The following RASSF8 variants were observed in gnomAD, a reference collection of about 807,000 sequenced individuals.
The protein encoded by RASSF8 is Ras association domain family member 8.
RASSF8 carries 22 observed loss-of-function variants against 48.5 expected under a neutral mutation model. The ratio of observed to expected loss-of-function variants is 0.45; its 90% CI spans 0.32 to 0.65. The LOEUF (loss-of-function observed/expected upper bound fraction) is 0.65. Among genes scored for constraint, RASSF8 ranks in the 30% least tolerant of loss-of-function variants. RASSF8 has a pLI of 0.03. For synonymous variants in RASSF8, 127 were observed against 171.5 expected (o/e 0.74, Z 2.03); for missense variants, 418 against 489.2 (o/e 0.85, Z 1.37).
intron 2 of RASSF8, among the ~76,000 whole-genome samples, chr12:26,030,572 A>T (rs1176301790): frequency 6.6e-6 from 1 of 152,226 alleles, no homozygotes; most frequent in East Asian, 1.9e-4. Flanking sequence ...ATGCCATAGT[A>T]AAAATGCTGA....
chr12:25,981,562 T>C (rs1941745105), intron 1 of RASSF8, among the ~76,000 whole-genome samples: 1 of 152,200 alleles, frequency 6.6e-6, no homozygotes, highest in African/African-American at 2.4e-5. Context: ...CAGGGTATGC[T>C]TAAGTTATTG....
intron 3 of RASSF8, among the ~76,000 whole-genome samples, chr12:26,057,884 G>A (rs112923461): frequency 0.025 from 3,740 of 152,266 alleles, 70 homozygotes; most frequent in African/African-American, 0.053. Context: ...GACAGTGATG[G>A]TGAGCATTTT....
At chr12:26,011,608 GGGT>G (rs1942526926) in intron 2 of RASSF8, 1 of 152,168 alleles carries the variant, frequency 6.6e-6, no homozygotes, top group Non-Finnish European at 1.5e-5. Context: ...TGTGACCTTT[GGGT>G]GGTGATTAGG....
At chr12:26,026,916 A>AAT (rs1375028687) in intron 2 of RASSF8, among the ~76,000 whole-genome samples, 1 of 152,242 alleles carries the variant, frequency 6.6e-6, no homozygotes, top group Non-Finnish European at 1.5e-5. Context: ...GTGAAGTTAA[A>AAT]ATATATGTCC....
chr12:26,073,849 C>CACACACACACAT (rs35014279), downstream of RASSF8, among the ~76,000 whole-genome samples: 2,173 of 144,158 alleles, frequency 0.015, 38 homozygotes, highest in Middle Eastern at 0.032. Context: ...CACACACACA[C>CACACACACACAT]ATATATATAT....
chr12:25,990,724 C>G (rs1469376983), intron 1 of RASSF8, among the ~76,000 whole-genome samples: 1 of 152,146 alleles, frequency 6.6e-6, no homozygotes, highest in Admixed American at 6.5e-5. Context: ...CTTGAATGTT[C>G]CCACTCTTTT....
intron 2 of RASSF8, among the ~76,000 whole-genome samples, chr12:26,018,420 CA>C (rs1201616813): frequency 2.0e-5 from 3 of 151,962 alleles, no homozygotes; most frequent in African/African-American, 7.3e-5. Flanking sequence ...GTCACTTTAA[CA>C]TTTTTTTATT....
intron 2 of RASSF8, among the ~76,000 whole-genome samples, chr12:26,029,999 AAG>A (rs1343144443): frequency 6.6e-6 from 1 of 152,208 alleles, no homozygotes; most frequent in East Asian, 1.9e-4. Context: ...TTTATTTAAA[AAG>A]AGTTTAGGGC....
In RASSF8 at chr12:26,064,373, A is replaced by C. The variant is rs970975070; in HGVS notation, c.104-125A>C. The C allele has an allele frequency of 5.5e-6, 5 of 906,784 alleles. No homozygotes were observed. The African/African-American group carries it at 8.4e-5, about 15-fold the overall frequency. 56.2% of individuals were successfully genotyped at this position (906,784 alleles called of 1,614,324 possible). A position where few individuals can be genotyped will look rare whatever the true frequency, so the allele number is the denominator to read the frequency against. On this transcript the variant is annotated intron_variant, in intron 3 of 5. Transcript: ENST00000689635. ...AAGTAAAGGTTTTAAAGGAACCTGA[A>C]CTAGACTCAAACTTGACCCTCTGAT...
intron 2 of RASSF8, among the ~76,000 whole-genome samples, chr12:26,043,769 C>T (rs1472028498): frequency 2.0e-5 from 3 of 152,134 alleles, no homozygotes; most frequent in East Asian, 1.9e-4. Flanking sequence ...TTGCTATGCA[C>T]GGCAACGCAG....
chr12:25,983,260 A>G (rs1941787025), intron 1 of RASSF8, among the ~76,000 whole-genome samples: 1 of 152,258 alleles, frequency 6.6e-6, no homozygotes, highest in African/African-American at 2.4e-5. Flanking sequence ...ATCTGAAACT[A>G]AATAGTTCTT....
At chr12:26,073,748 TAC>T (rs5797160), downstream of RASSF8, among the ~76,000 whole-genome samples, 13,278 of 134,500 alleles carry the variant, frequency 0.099, 688 homozygotes, top group Middle Eastern at 0.16. Flanking sequence ...TCTCTCTCTA[TAC>T]ACACACACAC....
intron 2 of RASSF8, among the ~76,000 whole-genome samples, chr12:26,010,821 G>T (rs1223360152): frequency 6.6e-6 from 1 of 151,910 alleles, no homozygotes; most frequent in Non-Finnish European, 1.5e-5. Context: ...AGAGACTTCT[G>T]TATACCTAAG....
At position 26,070,336 on chromosome 12, in the gene RASSF8, G is replaced by T; in HGVS notation, c.*1518G>T. On this transcript the variant is annotated 3_prime_UTR_variant, in exon 6 of 6. Transcript: ENST00000689635. ...AATGCTGACAATGCTGCTCTACTTA[G>T]GTTTCCTATGAAATTTTTAAGAATG... The T allele has an allele frequency of 1.0e-6, 1 of 985,320 alleles. No homozygotes were observed. Among genetic ancestry groups the T allele is most frequent in the African/African-American group, 1.7e-5 (1 of 57,350 alleles). The allele number at this position is 985,320 out of a possible 1,614,324, so 61.0% of individuals were successfully genotyped here.
intron 5 of RASSF8, among the ~76,000 whole-genome samples, chr12:26,078,227 T>C (rs1397383115): frequency 6.6e-6 from 1 of 152,120 alleles, no homozygotes; most frequent in Non-Finnish European, 1.5e-5. Flanking sequence ...AAGCAAAAAA[T>C]TAGTATCTTC....
chr12:26,073,849 C>CATAT (rs756466030), downstream of RASSF8, among the ~76,000 whole-genome samples: 10 of 144,190 alleles, frequency 6.9e-5, no homozygotes, highest in African/African-American at 1.6e-4. Flanking sequence ...CACACACACA[C>CATAT]ATATATATAT....
At chr12:26,073,862 T>A (rs568128205), downstream of RASSF8, among the ~76,000 whole-genome samples, 18 of 118,940 alleles carry the variant, frequency 1.5e-4, no homozygotes, top group Non-Finnish European at 2.2e-4. Context: ...ATATATATAT[T>A]TAGCCAAAGT....
chr12:26,036,427 A>G (rs1460142686), intron 2 of RASSF8, among the ~76,000 whole-genome samples: 1 of 152,122 alleles, frequency 6.6e-6, no homozygotes, highest in Non-Finnish European at 1.5e-5. Flanking sequence ...TAAAATTTTG[A>G]TACTTATTTC....
intron 2 of RASSF8, among the ~76,000 whole-genome samples, chr12:26,010,204 T>G (rs1413813619): frequency 6.6e-6 from 1 of 151,938 alleles, no homozygotes; most frequent in East Asian, 1.9e-4. Context: ...TTAGGAGAGT[T>G]AGTCAGGCAC....
Sources: gnomAD v4.1 joint callset for allele counts (sites outside exome capture counted in the v4.1 genomes callset) on GRCh38, gnomAD v4.1.1 for gene constraint, MANE v1.5 for transcripts, NCBI Gene and HGNC (gene_info 2026-07-23, HGNC 2026-07-21) for gene names.